ACP6: variants seen among roughly 807,000 people sequenced by gnomAD.
ACP6 encodes lysophosphatidic acid phosphatase type 6.
Under a neutral mutation model 48.1 loss-of-function variants are expected in ACP6, and 48 were observed. That is an observed-to-expected ratio of 1.00 (90% CI 0.79 to 1.27). The LOEUF (loss-of-function observed/expected upper bound fraction) is 1.27, where lower values mean the gene tolerates loss of function less well. Among genes scored for constraint, ACP6 ranks in the 50% most tolerant of loss-of-function variants. The pLI is 0.00. For missense variants in ACP6, 485 were observed against 529.1 expected, an observed-to-expected ratio of 0.92 and a Z score of 0.82; for synonymous variants, 172 against 204.2, an observed-to-expected ratio of 0.84 and a Z score of 1.34.
intron 7 of ACP6, chr1:147,651,476 CA>C (rs1553210519): frequency 1.3e-5 from 2 of 152,060 alleles, no homozygotes; most frequent in African/African-American, 4.8e-5. Context: ...ATGATCCTGA[CA>C]GCTTAAAATA....
At position 147,644,569 on chromosome 1, in the gene ACP6, G is replaced by C. The variant is rs1057456598; in HGVS notation, c.*2854C>G. The C allele has an allele frequency of 1.2e-4, 19 of 152,190 alleles. No individual in the cohort carries two copies. The highest frequency in any genetic ancestry group is 9.8e-4 in the Admixed American group (15 of 15,284). 9.4% of individuals were successfully genotyped at this position (152,190 alleles called of 1,614,324 possible). On this transcript the variant is annotated 3_prime_UTR_variant, in exon 10 of 10. Transcript: ENST00000583509. ...GTTACGAGGCCTTTACAATAATCCA[G>C]GTAAAAGATGACACTGGGACTAAGA...
chr1:147,662,046 A>C (rs1553212867), intron 1 of ACP6, among the ~76,000 whole-genome samples: 1 of 152,214 alleles, frequency 6.6e-6, no homozygotes, highest in South Asian at 2.1e-4. Flanking sequence ...GTGCTGTATA[A>C]ATGGAACAAC....
Position 147,648,225 on chromosome 1 carries a change from AC to A in ACP6, c.1143+20del, listed in dbSNP as rs1399374980. The A allele has an allele frequency of 1.9e-6, 3 of 1,612,992 alleles. No homozygotes were observed. The highest frequency in any genetic ancestry group is 1.7e-5 in the Admixed American group (1 of 59,916). The stretch of plus-strand genomic sequence containing the variant: ...CAGGAGGGTGCCTCACCACCACCCA[AC>A]CCCACCTCAGGGGTATTACCTTCCC... On this transcript the variant is annotated intron_variant, in intron 9 of 9. Transcript: ENST00000583509.
chr1:147,659,349 G>A, intron 3 of ACP6, 47 bp downstream of exon 3: 1 of 1,598,908 alleles, frequency 6.3e-7, no homozygotes, highest in Non-Finnish European at 8.5e-7. Flanking sequence ...GTATCCTCAT[G>A]TTCAAGACCT....
At position 147,659,401 on chromosome 1, in the gene ACP6, C is replaced by T. The variant is rs782515859; in HGVS notation, c.474G>A (p.Glu158=). 6.2e-7 allele frequency: 1 copy of T among 1,614,002 alleles called. No homozygotes were observed. Among genetic ancestry groups the T allele is most frequent in the Non-Finnish European group, 8.5e-7 (1 of 1,179,934 alleles). ...TCCCCTTTCAAGTGACTCACAAGAC[C>T]TCCTGTGGGTTGAAGGTTGGTGAAA... ...PFLSPTFNPQ[E]VFIRSTNIFR... Residue 158 remains glutamate, a synonymous_variant, in exon 3 of 10, where the codon GAG becomes GAA. Coordinates refer to ENST00000583509, the MANE Select transcript of ACP6 (RefSeq NM_016361.5).
intron 5 of ACP6, among the ~76,000 whole-genome samples, chr1:147,636,117 G>A (rs1490009804): frequency 1.3e-5 from 2 of 152,126 alleles, no homozygotes; most frequent in Non-Finnish European, 2.9e-5. Context: ...GTGTAGCTGT[G>A]GTAAAGCAGA....
chr1:147,640,157 C>A (rs1457370026), downstream of ACP6, among the ~76,000 whole-genome samples: 1 of 152,104 alleles, frequency 6.6e-6, no homozygotes, highest in Non-Finnish European at 1.5e-5. Flanking sequence ...TCCCCTAACC[C>A]CAGCAGATAG....
At position 147,649,909 on chromosome 1, in the gene ACP6, TA is replaced by T. The variant is rs587651953; in HGVS notation, c.977+233del. On this transcript the variant is annotated intron_variant, in intron 8 of 9. Transcript: ENST00000583509. ...TACTGTTTGACATATCTTCAATTAA[TA>T]AAAAAAAGAGAGAGAGAAAGCAAAA... is the stretch of plus-strand genomic sequence containing the variant. 978 of 518,886 alleles carry T rather than the reference TA, an allele frequency of 1.9e-3. 11 individuals are homozygous for T. The highest frequency in any genetic ancestry group is 0.017 in the African/African-American group (831 of 49,754). The allele number at this position is 518,886 out of a possible 1,614,324, so 32.1% of individuals were successfully genotyped here. A position where few individuals can be genotyped will look rare whatever the true frequency, so the allele number is the denominator to read the frequency against.
At chr1:147,641,782 C>T (rs1242373053), downstream of ACP6, among the ~76,000 whole-genome samples, 1 of 152,188 alleles carries the variant, frequency 6.6e-6, no homozygotes, top group Non-Finnish European at 1.5e-5. Flanking sequence ...TGCCCACAGT[C>T]ACACAACTGG....
At chr1:147,636,070 T>C (rs1659290770) in intron 5 of ACP6, among the ~76,000 whole-genome samples, 1 of 152,114 alleles carries the variant, frequency 6.6e-6, no homozygotes, top group Non-Finnish European at 1.5e-5. Context: ...AAACTAACGA[T>C]GGTACTTGAA....
chr1:147,668,700 A>C lies in ACP6; in HGVS notation c.219+1130T>G, dbSNP rs1258510462. ...AATCAAAGAATCAAAATGAAAGAAG[A>C]AATCCCGGTTCCAGAGAGCAAGTGG... On this transcript the variant is annotated intron_variant, in intron 1 of 9. Coordinates refer to ENST00000583509, the MANE Select transcript of ACP6 (RefSeq NM_016361.5). Among the ~76,000 whole-genome samples, 5 of 152,304 alleles carry C rather than the reference A, an allele frequency of 3.3e-5. No individual in the cohort carries two copies. The East Asian group carries it at 9.6e-4, about 29-fold the overall frequency.
In ACP6 at chr1:147,645,110, TG is replaced by T. The variant is rs1478517950; in HGVS notation, c.*2312del. ...CTCCTGCCTCAGCCTCCCAAGTAGC[TG>T]GGATTACAGGCACATTGTACTCCAT... On this transcript the variant is annotated 3_prime_UTR_variant, in exon 10 of 10. Transcript: ENST00000583509. 6 of 151,980 alleles carry T rather than the reference TG, an allele frequency of 3.9e-5. No individual in the cohort carries two copies. Among genetic ancestry groups the T allele is most frequent in the Non-Finnish European group, 7.4e-5 (5 of 68,026 alleles). 9.4% of individuals were successfully genotyped at this position (151,980 alleles called of 1,614,324 possible).
intron 1 of ACP6, 112 bp from the exon 2 acceptor site, chr1:147,659,887 G>A: frequency 7.8e-7 from 1 of 1,286,472 alleles, no homozygotes; most frequent in Non-Finnish European, 1.1e-6. Flanking sequence ...CACTAGGCCT[G>A]CAACCTTCCT....
intron 5 of ACP6, among the ~76,000 whole-genome samples, chr1:147,631,717 G>T (rs1553207375): frequency 6.6e-6 from 1 of 152,112 alleles, no homozygotes; most frequent in Non-Finnish European, 1.5e-5. Flanking sequence ...AGGAGGCTAA[G>T]GCAGGAGAAT....
intron 1 of ACP6, among the ~76,000 whole-genome samples, chr1:147,664,762 T>A (rs1660717603): frequency 6.6e-6 from 1 of 152,192 alleles, no homozygotes; most frequent in Admixed American, 6.5e-5. Context: ...CAGCTGTGAA[T>A]GTAAATGACA....
At chr1:147,647,812 G>A (rs1659700933) in intron 9 of ACP6, 1 of 580,342 alleles carries the variant, frequency 1.7e-6, no homozygotes, top group African/African-American at 1.9e-5. Flanking sequence ...CGAGCTGGGA[G>A]AACCAACAGG....
chr1:147,668,190 G>A (rs1553213966), intron 1 of ACP6, among the ~76,000 whole-genome samples: 1 of 152,156 alleles, frequency 6.6e-6, no homozygotes, highest in African/African-American at 2.4e-5. Flanking sequence ...CTAAAGTCTG[G>A]AGAATATGAG....
At chr1:147,638,513 T>C (rs587741258), downstream of ACP6, among the ~76,000 whole-genome samples, 5 of 152,248 alleles carry the variant, frequency 3.3e-5, no homozygotes, top group Middle Eastern at 3.4e-3. Context: ...GAGGGTGATA[T>C]TTAAGCTGAG....
chr1:147,658,909 A>G, intron 4 of ACP6, 51 bp downstream of exon 4: 2 of 1,506,102 alleles, frequency 1.3e-6, no homozygotes, highest in Non-Finnish European at 1.8e-6. Context: ...TTCGGAAGTG[A>G]GAAGCAAGAC....
Sources: allele counts gnomAD v4.1 joint callset (sites outside exome capture counted in the v4.1 genomes callset), GRCh38; gene constraint gnomAD v4.1.1; transcripts MANE v1.5; gene names NCBI Gene and HGNC (gene_info 2026-07-23, HGNC 2026-07-21).